The following GRK5 variants were observed in gnomAD, a reference collection of about 807,000 sequenced individuals.
GRK5 encodes g protein-coupled receptor kinase GRK5.
In GRK5, 40 loss-of-function variants were observed where a neutral mutation model predicts 78.4. The ratio of observed to expected loss-of-function variants is 0.51; its 90% CI spans 0.40 to 0.66. The LOEUF (loss-of-function observed/expected upper bound fraction) is 0.66. Ranked by LOEUF, GRK5 falls within the 30% of genes least tolerant of loss-of-function variation. GRK5 has a pLI of 0.00. For missense variants in GRK5, 598 were observed against 759.9 expected (o/e 0.79, Z 2.50); for synonymous variants, 289 against 296.8 (o/e 0.97, Z 0.27).
chr10:119,290,358 AAAAAAC>A (rs1849930344), intron 1 of GRK5, among the ~76,000 whole-genome samples: 4 of 145,578 alleles, frequency 2.7e-5, no homozygotes, highest in South Asian at 4.6e-4. Flanking sequence ...AAAAAAAAAA[AAAAAAC>A]AAAAAACAAC....
chr10:119,294,327 C>T (rs940459791), intron 1 of GRK5, among the ~76,000 whole-genome samples: 1 of 152,120 alleles, frequency 6.6e-6, no homozygotes, highest in South Asian at 2.1e-4. Flanking sequence ...GGGTGAGGAC[C>T]ACATCTCGGT....
rs1853442307 is a variant in GRK5 at position 119,458,951 on chromosome 10, GA to G, written c.*3887del. Reference sequence around the variant, plus strand: ...AATTGGAAATCTCTGAGAAGAAGAGGAAACACCTGAGTGACACTCAGCTGTC... The same window carrying G: ...AATTGGAAATCTCTGAGAAGAAGAGGAACACCTGAGTGACACTCAGCTGTC... On this transcript the variant is annotated 3_prime_UTR_variant, in exon 16 of 16. Coordinates refer to ENST00000392870, the MANE Select transcript of GRK5 (RefSeq NM_005308.3). 6.6e-6 allele frequency: 1 copy of G among 152,176 alleles called. No individual in the cohort carries two copies. The highest frequency in any genetic ancestry group is 6.5e-5 in the Admixed American group (1 of 15,280). 9.4% of individuals were successfully genotyped at this position (152,176 alleles called of 1,614,324 possible). A position where few individuals can be genotyped will look rare whatever the true frequency, so the allele number is the denominator to read the frequency against.
In GRK5 at chr10:119,244,624, C is replaced by A. The variant is rs148849837; in HGVS notation, c.52+36655C>A. On this transcript the variant is annotated intron_variant, in intron 1 of 15. Coordinates refer to ENST00000392870, the MANE Select transcript of GRK5 (RefSeq NM_005308.3). ...TGGCTTGGGCCTATAGTCCTAGCTA[C>A]ACAGGAGGCTGAGGTGGGAGGATCA... Among the ~76,000 whole-genome samples, 373 of 152,274 alleles carry A rather than the reference C, an allele frequency of 2.4e-3. 2 individuals are homozygous for A. The highest frequency in any genetic ancestry group is 8.3e-3 in the African/African-American group (346 of 41,544).
At chr10:119,349,943 C>T (rs567583370) in intron 2 of GRK5, among the ~76,000 whole-genome samples, 5 of 152,376 alleles carry the variant, frequency 3.3e-5, no homozygotes, top group South Asian at 4.1e-4. Flanking sequence ...GCTTGCAAAG[C>T]GCTTTTCACA....
intron 4 of GRK5, among the ~76,000 whole-genome samples, chr10:119,405,209 G>T (rs74522436): frequency 6.6e-6 from 1 of 152,088 alleles, no homozygotes; most frequent in Admixed American, 6.5e-5. Flanking sequence ...TGGACAGGTG[G>T]GTTGGGGCAG....
At chr10:119,237,723 G>A (rs1359813415) in intron 1 of GRK5, among the ~76,000 whole-genome samples, 1 of 151,990 alleles carries the variant, frequency 6.6e-6, no homozygotes, top group East Asian at 1.9e-4. Context: ...GTCGGGTGGG[G>A]TGGGGAAGAG....
At chr10:119,426,489 A>G (rs1889432) in intron 6 of GRK5, among the ~76,000 whole-genome samples, 57,961 of 152,074 alleles carry the variant, frequency 0.38, 12,598 homozygotes, top group Admixed American at 0.48. Context: ...AGGGTCACTC[A>G]CGACTCTACA....
At chr10:119,347,897 G>T (rs1054053671) in intron 2 of GRK5, among the ~76,000 whole-genome samples, 12 of 152,234 alleles carry the variant, frequency 7.9e-5, no homozygotes, top group Non-Finnish European at 1.3e-4. Context: ...TTGCAGTGGG[G>T]TGAATGCCGA....
intron 10 of GRK5, among the ~76,000 whole-genome samples, chr10:119,441,789 C>T (rs995908582): frequency 2.2e-4 from 34 of 152,214 alleles, no homozygotes; most frequent in Admixed American, 1.8e-3. Flanking sequence ...TTATGTTCCA[C>T]TCCTGAAGAG....
chr10:119,340,189 G>A (rs1337689210), intron 2 of GRK5, among the ~76,000 whole-genome samples: 2 of 152,102 alleles, frequency 1.3e-5, no homozygotes, highest in Non-Finnish European at 2.9e-5. Context: ...GTGCAGTGAT[G>A]CAGTCTCACT....
intron 1 of GRK5, among the ~76,000 whole-genome samples, chr10:119,314,706 T>C (rs1850454487): frequency 1.3e-5 from 2 of 152,206 alleles, no homozygotes; most frequent in Non-Finnish European, 2.9e-5. Flanking sequence ...CCCTTCATGT[T>C]TTCTTCTAAA....
intron 3 of GRK5, among the ~76,000 whole-genome samples, chr10:119,394,238 GGGTGTC>G (rs1851958336): frequency 8.1e-6 from 1 of 123,336 alleles, no homozygotes; most frequent in Non-Finnish European, 1.8e-5. Context: ...GTGGGTGTGT[GGGTGTC>G]TGTGTGTGGA....
chr10:119,418,135 G>A (rs1020411137), intron 4 of GRK5, among the ~76,000 whole-genome samples: 5 of 152,196 alleles, frequency 3.3e-5, no homozygotes, highest in African/African-American at 7.2e-5. Flanking sequence ...GGCCCAGTGC[G>A]GCCCCAGGTT....
chr10:119,208,314 C>A (rs941006256), intron 1 of GRK5, among the ~76,000 whole-genome samples: 4 of 151,804 alleles, frequency 2.6e-5, no homozygotes, highest in African/African-American at 7.3e-5. Flanking sequence ...CATAAAATAG[C>A]GTTTCAAGTC....
intron 9 of GRK5, among the ~76,000 whole-genome samples, chr10:119,438,809 A>G (rs1341621404): frequency 1.3e-5 from 2 of 152,270 alleles, no homozygotes; most frequent in Non-Finnish European, 2.9e-5. Context: ...TAACACATCA[A>G]AAGAATGCCA....
chr10:119,297,541 G>C (rs548301862), intron 1 of GRK5, among the ~76,000 whole-genome samples: 1 of 152,362 alleles, frequency 6.6e-6, no homozygotes, highest in East Asian at 1.9e-4. Flanking sequence ...ATACTATGAA[G>C]TAGAACTGGT....
intron 2 of GRK5, among the ~76,000 whole-genome samples, chr10:119,358,335 G>A (rs1851299451): frequency 6.6e-6 from 1 of 152,162 alleles, no homozygotes; most frequent in African/African-American, 2.4e-5. Context: ...CCGGGGTGTA[G>A]CAAATGCTCT....
chr10:119,416,460 T>G (rs540792113), intron 4 of GRK5, among the ~76,000 whole-genome samples: 1 of 152,356 alleles, frequency 6.6e-6, no homozygotes, highest in Admixed American at 6.5e-5. Flanking sequence ...GAACAGCATC[T>G]CCCTTTCTGT....
In GRK5 at chr10:119,457,683, ATTTTTTTTTTTT is replaced by A. The variant is rs145158697; in HGVS notation, c.*2626_*2637del. 2 of 110,736 alleles carry A rather than the reference ATTTTTTTTTTTT, an allele frequency of 1.8e-5. No individual in the cohort carries two copies. The highest frequency in any genetic ancestry group is 3.8e-5 in the Non-Finnish European group (2 of 53,184). The allele number at this position is 110,736 out of a possible 1,614,324, so 6.9% of individuals were successfully genotyped here. A position where few individuals can be genotyped will look rare whatever the true frequency, so the allele number is the denominator to read the frequency against. On this transcript the variant is annotated 3_prime_UTR_variant, in exon 16 of 16. Coordinates refer to ENST00000392870, the MANE Select transcript of GRK5 (RefSeq NM_005308.3). ...CTCCAACCTTGGTTTCTATAGCTGC[ATTTTTTTTTTTT>A]TTTTTTTTTGAGACAAGATCTCATT...
Sources: allele counts gnomAD v4.1 joint callset (sites outside exome capture counted in the v4.1 genomes callset), GRCh38; gene constraint gnomAD v4.1.1; transcripts MANE v1.5; gene names NCBI Gene and HGNC (gene_info 2026-07-23, HGNC 2026-07-21).